Variants in FREM1 observed in about 807,000 individuals in gnomAD.
FREM1 encodes FRAS1 related extracellular matrix 1.
A neutral mutation model predicts 210.1 loss-of-function variants in FREM1; 220 were observed. That is an observed-to-expected ratio of 1.05 (90% CI 0.94 to 1.17). The LOEUF is 1.17. Among genes scored for constraint, FREM1 ranks in the 50% most tolerant of loss-of-function variants. The probability of loss-of-function intolerance (pLI) is 0.00; values close to 1 mark genes in which losing one functional copy is unlikely to be tolerated. For synonymous variants in FREM1, 1,189 were observed against 980.2 expected (o/e 1.21, Z -3.98); for missense variants, 3,454 against 2,675.5 (o/e 1.29, Z -6.42).
chr9:14,905,592 T>C (rs1053197364), intron 1 of FREM1, among the ~76,000 whole-genome samples: 3 of 152,180 alleles, frequency 2.0e-5, no homozygotes, highest in Non-Finnish European at 4.4e-5. Context: ...TTTTGGTCTA[T>C]AAGAATCAAG....
At chr9:14,748,876 T>G (rs75561056) in intron 30 of FREM1, among the ~76,000 whole-genome samples, 2,244 of 152,306 alleles carry the variant, frequency 0.015, 24 homozygotes, top group Non-Finnish European at 0.024. Context: ...ATCAATTTCA[T>G]AAACCCCAAA....
At chr9:14,804,886 T>A (rs1307875425) in intron 19 of FREM1, 70 bp downstream of exon 19, 3 of 1,197,630 alleles carry the variant, frequency 2.5e-6, no homozygotes, top group Non-Finnish European at 3.7e-6. Flanking sequence ...TGGAGCAATG[T>A]AAATGGACTA....
At chr9:14,771,076 G>A (rs185353628) in intron 25 of FREM1, among the ~76,000 whole-genome samples, 5 of 152,054 alleles carry the variant, frequency 3.3e-5, no homozygotes, top group East Asian at 3.9e-4. Context: ...TACAAGTTCC[G>A]AGAGGGCAGG....
chr9:14,832,689 C>A (rs1031861291), intron 10 of FREM1, among the ~76,000 whole-genome samples: 1 of 152,114 alleles, frequency 6.6e-6, no homozygotes, highest in Non-Finnish European at 1.5e-5. Flanking sequence ...AACCCAGAAG[C>A]CTGATGCCTG....
chr9:14,777,819 G>T (rs994908794), intron 24 of FREM1, among the ~76,000 whole-genome samples: 1 of 152,100 alleles, frequency 6.6e-6, no homozygotes, highest in African/African-American at 2.4e-5. Context: ...TGAAAGCAAC[G>T]AGTCAACCAG....
intron 35 of FREM1, among the ~76,000 whole-genome samples, chr9:14,743,609 AC>A (rs971322936): frequency 7.9e-5 from 12 of 152,072 alleles, no homozygotes; most frequent in Non-Finnish European, 1.5e-4. Flanking sequence ...TTCATTATAG[AC>A]CAGTTACTTG....
intron 24 of FREM1, among the ~76,000 whole-genome samples, chr9:14,778,571 G>A (rs1466021844): frequency 2.2e-5 from 3 of 135,604 alleles, no homozygotes; most frequent in East Asian, 2.2e-4. Flanking sequence ...ACGTGCCACC[G>A]CACTCCAGCC....
intron 15 of FREM1, among the ~76,000 whole-genome samples, chr9:14,814,449 G>C (rs1290801873): frequency 6.6e-6 from 1 of 152,128 alleles, no homozygotes; most frequent in Non-Finnish European, 1.5e-5. Context: ...TATGTGTCCT[G>C]ACTACCTTGT....
chr9:14,901,186 G>A (rs1434758681), intron 1 of FREM1, among the ~76,000 whole-genome samples: 1 of 152,176 alleles, frequency 6.6e-6, no homozygotes, highest in Non-Finnish European at 1.5e-5. Flanking sequence ...GTATGTAATA[G>A]ATCTCTCTAA....
intron 24 of FREM1, among the ~76,000 whole-genome samples, chr9:14,783,111 G>GA (rs1425006025): frequency 6.6e-6 from 1 of 152,136 alleles, no homozygotes; most frequent in East Asian, 1.9e-4. Context: ...CTTATCAAGA[G>GA]AAAAAAATAA....
intron 2 of FREM1, among the ~76,000 whole-genome samples, chr9:14,864,543 A>G (rs1831167242): frequency 6.6e-6 from 1 of 152,228 alleles, no homozygotes; most frequent in African/African-American, 2.4e-5. Flanking sequence ...GAAATCTAAA[A>G]GCAATTTCCT....
chr9:14,799,959 C>T (rs1299215490), intron 20 of FREM1, among the ~76,000 whole-genome samples: 3 of 128,338 alleles, frequency 2.3e-5, no homozygotes, highest in African/African-American at 8.6e-5. Context: ...CCCCCCACCC[C>T]ACAACAGTCC....
chr9:14,845,827 C>A, intron 8 of FREM1, 133 bp downstream of exon 8: 1 of 880,134 alleles, frequency 1.1e-6, no homozygotes, highest in Non-Finnish European at 1.8e-6. Flanking sequence ...TTCAAGATCT[C>A]CAGATTTTCT....
At chr9:14,775,745 T>C in intron 25 of FREM1, 44 bp downstream of exon 25, 2 of 998,734 alleles carry the variant, frequency 2.0e-6, no homozygotes, top group South Asian at 3.0e-5. Context: ...TCGATGTCAC[T>C]GTTTTCACAT....
At chr9:14,865,888 G>C (rs972069754) in intron 2 of FREM1, among the ~76,000 whole-genome samples, 2 of 152,122 alleles carry the variant, frequency 1.3e-5, no homozygotes, top group Admixed American at 1.3e-4. Context: ...GAGAAACAAA[G>C]TTCTCCCATG....
chr9:14,757,417 T>G (rs1477074496), intron 28 of FREM1, among the ~76,000 whole-genome samples: 5 of 152,132 alleles, frequency 3.3e-5, no homozygotes, highest in Admixed American at 6.5e-5. Context: ...TGGCCAGGCA[T>G]GGTGGCGGCC....
At chr9:14,798,160 C>T (rs925549311) in intron 20 of FREM1, among the ~76,000 whole-genome samples, 1 of 152,086 alleles carries the variant, frequency 6.6e-6, no homozygotes, top group Non-Finnish European at 1.5e-5. Context: ...TCAAAACTTA[C>T]TTCAAAGCTA....
intron 2 of FREM1, among the ~76,000 whole-genome samples, chr9:14,868,373 A>G (rs1258848149): frequency 2.7e-5 from 1 of 36,578 alleles, no homozygotes; most frequent in Non-Finnish European, 4.1e-5. Context: ...TATCTTCAGG[A>G]AAGAGGAGAA....
chr9:14,804,606 C>G (rs1309936920), intron 19 of FREM1, among the ~76,000 whole-genome samples: 1 of 151,726 alleles, frequency 6.6e-6, no homozygotes, highest in Non-Finnish European at 1.5e-5. Context: ...AACAAAAAAA[C>G]CATGACTACT....
Sources: allele counts gnomAD v4.1 joint callset (sites outside exome capture counted in the v4.1 genomes callset), GRCh38; gene constraint gnomAD v4.1.1; transcripts MANE v1.5; gene names NCBI Gene and HGNC (gene_info 2026-07-23, HGNC 2026-07-21).